The following PCDHA3 variants were observed in gnomAD, a reference collection of about 807,000 sequenced individuals.
PCDHA3 encodes the protein protocadherin alpha-3.
PCDHA3 carries 41 observed loss-of-function variants against 62.2 expected under a neutral mutation model. That is an observed-to-expected ratio of 0.66 (90% CI 0.51 to 0.86). PCDHA3 has a LOEUF of 0.86. Ranked by LOEUF, PCDHA3 falls within the 40% of genes least tolerant of loss-of-function variation. The pLI is 0.00. For missense variants in PCDHA3, 1,304 were observed against 1,241.2 expected, an observed-to-expected ratio of 1.05 and a Z score of -0.76; for synonymous variants, 640 against 555.4, an observed-to-expected ratio of 1.15 and a Z score of -2.14.
chr5:140,801,460 C>A lies in PCDHA3; in HGVS notation c.263C>A (p.Ser88Tyr). ...NLQNGILFVN[S>Y]RIDREELCGR... ...CAGAATGGCATTTTGTTTGTGAATTCTCGGATAGACCGCGAGGAACTGTGC... is the reference window on the plus strand; with the variant it reads ...CAGAATGGCATTTTGTTTGTGAATTATCGGATAGACCGCGAGGAACTGTGC... The change falls in exon 1 of 4, where the codon TCT becomes TAT. Residue 88 changes from serine (S) to tyrosine (Y), a missense_variant. Transcript: ENST00000522353. 1 of 1,614,026 alleles carries A rather than the reference C, an allele frequency of 6.2e-7. No individual in the cohort carries two copies. The highest frequency in any genetic ancestry group is 8.5e-7 in the Non-Finnish European group (1 of 1,180,050).
chr5:140,911,745 A>G (rs573838491), intron 1 of PCDHA3, among the ~76,000 whole-genome samples: 7 of 151,408 alleles, frequency 4.6e-5, no homozygotes, highest in Non-Finnish European at 1.0e-4. Flanking sequence ...AAGGACTATC[A>G]GTGTTCTCCA....
chr5:140,976,841 A>G lies in PCDHA3; in HGVS notation c.2395-2108A>G, dbSNP rs145977857. Among the ~76,000 whole-genome samples the G allele has an allele frequency of 1.2e-3, 190 of 152,338 alleles. 1 individual carries two copies. Among genetic ancestry groups the G allele is most frequent in the African/African-American group, 4.3e-3 (178 of 41,578 alleles). ...GTGTCTAATGAGCAAAACAGATATA[A>G]TCCCTTTCATAGAGTTTACTGTCTG... On this transcript the variant is annotated intron_variant, in intron 1 of 3. Coordinates refer to ENST00000522353, the MANE Select transcript of PCDHA3 (RefSeq NM_018906.3).
chr5:140,942,266 T>A (rs2093257794), intron 1 of PCDHA3, among the ~76,000 whole-genome samples: 1 of 152,134 alleles, frequency 6.6e-6, no homozygotes, highest in South Asian at 2.1e-4. Flanking sequence ...TATCTAAAGC[T>A]GGTAATGGTG....
chr5:140,877,508 C>G (rs892674985), intron 1 of PCDHA3: 1 of 1,613,808 alleles, frequency 6.2e-7, no homozygotes, highest in Admixed American at 1.7e-5. Flanking sequence ...CCAAAGACGT[C>G]GTCGCGGGCC....
chr5:140,854,176 AG>A (rs2150310267), intron 1 of PCDHA3: 7 of 663,702 alleles, frequency 1.1e-5, no homozygotes, highest in East Asian at 1.3e-4. Flanking sequence ...AAAAAAAAAA[AG>A]AGTAGTTTAA....
intron 1 of PCDHA3, chr5:140,809,018 C>G: frequency 6.2e-7 from 1 of 1,613,722 alleles, no homozygotes; most frequent in Non-Finnish European, 8.5e-7. Context: ...TTCGTACGAG[C>G]TGCAGCCGGG....
intron 1 of PCDHA3, chr5:140,871,020 A>C (rs1554164982): frequency 6.2e-7 from 1 of 1,613,302 alleles, no homozygotes; most frequent in East Asian, 2.2e-5. Context: ...TGGACGAGGC[A>C]GACTCGCCGC....
chr5:140,944,182 GTTTGT>G (rs750577669), intron 1 of PCDHA3, among the ~76,000 whole-genome samples: 4 of 152,050 alleles, frequency 2.6e-5, no homozygotes, highest in African/African-American at 2.4e-5. Context: ...TTTTTTGTTG[GTTTGT>G]TTTGTTTTGT....
chr5:140,838,286 T>TC (rs2150151139), intron 1 of PCDHA3, among the ~76,000 whole-genome samples: 1 of 149,632 alleles, frequency 6.7e-6, no homozygotes, highest in African/African-American at 2.5e-5. Context: ...GCTAATTTTT[T>TC]TTTTTTTTTG....
At chr5:140,836,372 C>T (rs2150258931) in intron 1 of PCDHA3, 5 of 1,613,738 alleles carry the variant, frequency 3.1e-6, no homozygotes, top group East Asian at 4.5e-5. Flanking sequence ...CAGCCACAGC[C>T]ACCGTGCTGG....
chr5:140,911,884 C>A (rs1283685498), intron 1 of PCDHA3, among the ~76,000 whole-genome samples: 1 of 152,050 alleles, frequency 6.6e-6, no homozygotes, highest in Non-Finnish European at 1.5e-5. Flanking sequence ...CTCCTGGGAC[C>A]AAAATCTGTA....
intron 1 of PCDHA3, among the ~76,000 whole-genome samples, chr5:140,892,776 T>C (rs2063665865): frequency 6.6e-6 from 1 of 152,224 alleles, no homozygotes; most frequent in East Asian, 1.9e-4. Flanking sequence ...TTCTAGCTTC[T>C]TGAAAATATG....
chr5:140,993,293 A>G (rs1445204823), intron 3 of PCDHA3, among the ~76,000 whole-genome samples: 1 of 152,062 alleles, frequency 6.6e-6, no homozygotes, highest in African/African-American at 2.4e-5. Flanking sequence ...CAGGGTCACA[A>G]CCTTGCCTCC....
At chr5:140,942,351 G>A (rs893015832) in intron 1 of PCDHA3, among the ~76,000 whole-genome samples, 1 of 152,024 alleles carries the variant, frequency 6.6e-6, no homozygotes, top group Admixed American at 6.6e-5. Flanking sequence ...GGCGGAGGTT[G>A]CAGTTAACGG....
chr5:140,855,356 T>C (rs892931539), intron 1 of PCDHA3, among the ~76,000 whole-genome samples: 1 of 149,998 alleles, frequency 6.7e-6, no homozygotes, highest in African/African-American at 2.4e-5. Context: ...GTCATGTGGC[T>C]AGTGAGTAGG....
intron 1 of PCDHA3, chr5:140,853,207 G>A: frequency 2.0e-6 from 2 of 983,504 alleles, no homozygotes; most frequent in Non-Finnish European, 2.5e-6. Context: ...ATTGACGGCT[G>A]TATTGATGGG....
At chr5:140,809,166 C>T (rs1275758806) in intron 1 of PCDHA3, 1 of 1,613,942 alleles carries the variant, frequency 6.2e-7, no homozygotes, top group Non-Finnish European at 8.5e-7. Context: ...CCCGCGCTGA[C>T]GGCCACGGCC....
chr5:140,814,816 GCTAT>G (rs1765597379), intron 1 of PCDHA3: 1 of 152,104 alleles, frequency 6.6e-6, no homozygotes, highest in Non-Finnish European at 1.5e-5. Context: ...TTATTGTATT[GCTAT>G]CTATTTCTCC....
At position 140,929,227 on chromosome 5, in the gene PCDHA3, G is replaced by C. The variant is rs141300036; in HGVS notation, c.2395-49722G>C. ...GTTGCGTGGGGAGTACAATGCTGCC[G>C]ACCTGCGAAATCTTGCCACTGGGGT... On this transcript the variant is annotated intron_variant, in intron 1 of 3. Transcript: ENST00000522353. 7.4e-6 allele frequency: 12 copies of C among 1,613,892 alleles called. No homozygotes were observed. In the African/African-American group the frequency reaches 1.5e-4, roughly 20 times the overall value.
Sources: allele counts gnomAD v4.1 joint callset (sites outside exome capture counted in the v4.1 genomes callset), GRCh38; gene constraint gnomAD v4.1.1; transcripts MANE v1.5; gene names NCBI Gene and HGNC (gene_info 2026-07-23, HGNC 2026-07-21).